Variants in TMEM232 observed in about 807,000 individuals in gnomAD.
The protein encoded by TMEM232 is transmembrane protein 232.
A neutral mutation model predicts 78.8 loss-of-function variants in TMEM232; 80 were observed. That is an observed-to-expected ratio of 1.01 (90% CI 0.85 to 1.22). The LOEUF (loss-of-function observed/expected upper bound fraction) is 1.22, where lower values mean the gene tolerates loss of function less well. Ranked by LOEUF, TMEM232 falls within the 50% of genes most tolerant of loss-of-function variation. TMEM232 has a pLI of 0.00. For missense variants in TMEM232, 881 were observed against 742.2 expected (o/e 1.19, Z -2.17); for synonymous variants, 297 against 254.3 (o/e 1.17, Z -1.60).
chr5:110,474,017 G>A (rs1439506915), intron 12 of TMEM232, among the ~76,000 whole-genome samples: 1 of 149,720 alleles, frequency 6.7e-6, no homozygotes, highest in Non-Finnish European at 1.5e-5. Context: ...GGGAGAGGTT[G>A]ATCAATAGGT....
intron 1 of TMEM232, among the ~76,000 whole-genome samples, chr5:110,682,132 C>T (rs1792825786): frequency 6.6e-6 from 1 of 152,012 alleles, no homozygotes; most frequent in African/African-American, 2.4e-5. Flanking sequence ...ACATCACTGT[C>T]AAGAAGTAGC....
chr5:110,500,623 C>T (rs972233046), intron 12 of TMEM232, among the ~76,000 whole-genome samples: 12 of 151,060 alleles, frequency 7.9e-5, no homozygotes, highest in African/African-American at 2.9e-4. Context: ...CCTTAAAAAG[C>T]TAGAAAAGGA....
chr5:110,416,631 A>T (rs950413359), downstream of TMEM232, among the ~76,000 whole-genome samples: 3 of 152,210 alleles, frequency 2.0e-5, no homozygotes, highest in Non-Finnish European at 4.4e-5. Context: ...TCTCAACTAG[A>T]AGCAATATGA....
intron 2 of TMEM232, among the ~76,000 whole-genome samples, chr5:110,657,129 A>G (rs563727588): frequency 1.3e-5 from 2 of 152,324 alleles, no homozygotes; most frequent in South Asian, 4.1e-4. Flanking sequence ...AGAAGAAAAG[A>G]AAACTCATAC....
chr5:110,723,884 T>C (rs1171548638), intron 1 of TMEM232, among the ~76,000 whole-genome samples: 1 of 152,174 alleles, frequency 6.6e-6, no homozygotes, highest in Non-Finnish European at 1.5e-5. Flanking sequence ...CCTCCCTGGA[T>C]GATAGACATA....
intron 1 of TMEM232, among the ~76,000 whole-genome samples, chr5:110,695,056 A>G (rs1397786382): frequency 6.6e-6 from 1 of 152,234 alleles, no homozygotes; most frequent in Non-Finnish European, 1.5e-5. Context: ...TTGGAAGTAA[A>G]GCACTCCTCA....
upstream of TMEM232, chr5:110,738,690 G>T: frequency 4.4e-6 from 1 of 227,350 alleles, no homozygotes; most frequent in South Asian, 5.5e-5. Flanking sequence ...GGGCGTAGCT[G>T]TGACATGGGG....
chr5:110,724,875 G>C (rs1797999961), intron 1 of TMEM232, among the ~76,000 whole-genome samples: 1 of 151,692 alleles, frequency 6.6e-6, no homozygotes, highest in Non-Finnish European at 1.5e-5. Flanking sequence ...AAAAAAACTT[G>C]CCATGTTATA....
At chr5:110,558,411 G>A (rs1468975065) in intron 11 of TMEM232, among the ~76,000 whole-genome samples, 1 of 152,098 alleles carries the variant, frequency 6.6e-6, no homozygotes, top group Non-Finnish European at 1.5e-5. Context: ...AGTAGGGGAA[G>A]GCTATAAGTG....
chr5:110,440,328 C>T (rs1272041676), intron 12 of TMEM232, among the ~76,000 whole-genome samples: 2 of 152,062 alleles, frequency 1.3e-5, no homozygotes, highest in Admixed American at 6.6e-5. Context: ...GGAAATACTC[C>T]GTTCTCACCT....
At chr5:110,737,126 A>C (rs893793499) in intron 1 of TMEM232, among the ~76,000 whole-genome samples, 5 of 152,064 alleles carry the variant, frequency 3.3e-5, no homozygotes, top group African/African-American at 1.2e-4. Context: ...TCCCTAAACT[A>C]GAATGTCAGT....
Position 110,692,521 on chromosome 5 carries a change from C to T in TMEM232, c.-12-25157G>A, listed in dbSNP as rs138015441. ...GCGAGACATCGCCTCACACAGGAAG[C>T]GCAAGGAGGCAGGGAATTCCCTTTC... On this transcript the variant is annotated intron_variant, in intron 1 of 13. Transcript: ENST00000455884. Among the ~76,000 whole-genome samples, 479 of 152,276 alleles carry T rather than the reference C, an allele frequency of 3.1e-3. 4 individuals carry two copies. The highest frequency in any genetic ancestry group is 0.01 in the African/African-American group (428 of 41,548).
At chr5:110,731,150 A>G (rs1798640299), upstream of TMEM232, among the ~76,000 whole-genome samples, 1 of 152,232 alleles carries the variant, frequency 6.6e-6, no homozygotes, top group African/African-American at 2.4e-5. Flanking sequence ...TAAAGCTCCA[A>G]AATGATCTCC....
intron 5 of TMEM232, 129 bp downstream of exon 5, chr5:110,638,064 AAGATT>A: frequency 6.1e-6 from 4 of 654,556 alleles, no homozygotes; most frequent in Non-Finnish European, 7.2e-6. Context: ...ACAATTAGAG[AAGATT>A]AAACTACCAA....
chr5:110,667,803 C>T (rs1790789944), intron 1 of TMEM232: 1 of 152,210 alleles, frequency 6.6e-6, no homozygotes, highest in African/African-American at 2.4e-5. Flanking sequence ...TTTATGTAAT[C>T]ACTTGTGATC....
At chr5:110,546,740 G>A (rs1454152197) in intron 11 of TMEM232, among the ~76,000 whole-genome samples, 1 of 152,082 alleles carries the variant, frequency 6.6e-6, no homozygotes, top group African/African-American at 2.4e-5. Context: ...GTGAGAGAGT[G>A]TCTGAAGACT....
intron 11 of TMEM232, among the ~76,000 whole-genome samples, chr5:110,566,557 T>A (rs1776364430): frequency 6.6e-6 from 1 of 151,976 alleles, no homozygotes; most frequent in South Asian, 2.1e-4. Flanking sequence ...ATGCTGCCAG[T>A]CTCTTTGCAT....
At chr5:110,471,990 G>GAAGA (rs1220635426) in intron 12 of TMEM232, among the ~76,000 whole-genome samples, 1 of 151,938 alleles carries the variant, frequency 6.6e-6, no homozygotes, top group East Asian at 1.9e-4. Context: ...GGGAAACCTA[G>GAAGA]AAGAAAGAGA....
At chr5:110,692,208 C>T (rs145753439) in intron 1 of TMEM232, among the ~76,000 whole-genome samples, 13 of 152,316 alleles carry the variant, frequency 8.5e-5, no homozygotes, top group Middle Eastern at 3.4e-3. Context: ...TTGTCAGCCA[C>T]GACGCCCGGC....
Sources: allele counts gnomAD v4.1 joint callset (sites outside exome capture counted in the v4.1 genomes callset), GRCh38; gene constraint gnomAD v4.1.1; transcripts MANE v1.5; gene names NCBI Gene and HGNC (gene_info 2026-07-23, HGNC 2026-07-21).